Variants in EXO5 observed in about 807,000 individuals in gnomAD.
The protein encoded by EXO5 is exonuclease V.
Under a neutral mutation model 17.8 loss-of-function variants are expected in EXO5, and 11 were observed. That is an observed-to-expected ratio of 0.62 (90% CI 0.39 to 1.02). The LOEUF (loss-of-function observed/expected upper bound fraction) is 1.02. Ranked by LOEUF, EXO5 falls within the 50% of genes least tolerant of loss-of-function variation. The pLI, the probability that EXO5 is intolerant of heterozygous loss-of-function variation, is 0.00. For missense variants in EXO5, 364 were observed against 434.8 expected, an observed-to-expected ratio of 0.84 and a Z score of 1.45; for synonymous variants, 147 against 166.5, an observed-to-expected ratio of 0.88 and a Z score of 0.90.
intron 3 of EXO5, among the ~76,000 whole-genome samples, chr1:40,511,947 C>G (rs892103044): frequency 3.3e-5 from 5 of 151,500 alleles, no homozygotes; most frequent in African/African-American, 1.2e-4. Flanking sequence ...GGTGGGATCT[C>G]AGCTCACTGC....
intron 3 of EXO5, among the ~76,000 whole-genome samples, chr1:40,513,643 G>T (rs1557585064): frequency 6.7e-6 from 1 of 149,730 alleles, no homozygotes; most frequent in Non-Finnish European, 1.5e-5. Context: ...AGGCTGGAGT[G>T]CAGTGGTGCA....
Position 40,515,180 on chromosome 1 carries a change from GAAA to G in EXO5, c.637_639del (p.Lys213del), listed in dbSNP as rs1352889842. The G allele has an allele frequency of 1.2e-6, 2 of 1,614,112 alleles. No homozygotes were observed. Among genetic ancestry groups the G allele is most frequent in the South Asian group, 2.2e-5 (2 of 91,072 alleles). ...TGCTCCCTCTGGAAGCTCAGAAGAA[GAAA>G]GACTGTTTTCAAGTCAGCCTATACA... is the stretch of plus-strand genomic sequence containing the variant. On this transcript the variant is annotated inframe_deletion, in exon 4 of 4. Coordinates refer to ENST00000415550, the MANE Select transcript of EXO5 (RefSeq NM_001346953.2).
At chr1:40,513,052 A>C (rs1279625354) in intron 3 of EXO5, among the ~76,000 whole-genome samples, 1 of 152,204 alleles carries the variant, frequency 6.6e-6, no homozygotes, top group African/African-American at 2.4e-5. Context: ...CGCACAATAA[A>C]TATTCTCTAT....
rs138740528 is a variant in EXO5 at position 40,513,312 on chromosome 1, A to G, written c.-30-1203A>G. Among the ~76,000 whole-genome samples the G allele has an allele frequency of 1.4e-3, 214 of 152,292 alleles. 1 individual carries two copies. The highest frequency in any genetic ancestry group is 4.8e-3 in the African/African-American group (198 of 41,558). On this transcript the variant is annotated intron_variant, in intron 3 of 3. Coordinates refer to ENST00000415550, the MANE Select transcript of EXO5 (RefSeq NM_001346953.2). ...AGACTATATTTATTTGTATCTATAT[A>G]TAGTTGATCTTTGAATTTTGCCATA...
At chr1:40,514,209 G>T (rs1198593660) in intron 3 of EXO5, among the ~76,000 whole-genome samples, 1 of 151,802 alleles carries the variant, frequency 6.6e-6, no homozygotes, top group Non-Finnish European at 1.5e-5. Flanking sequence ...GAACCCGGGA[G>T]GCAGAGCTTG....
At position 40,511,407 on chromosome 1, in the gene EXO5, A is replaced by G. The variant is rs577366262; in HGVS notation, c.-31+1617A>G. ...ACTTGTGTAAATGCACAGCTTCTGT[A>G]TTTTGTTACTATTGAAATATCCTGT... On this transcript the variant is annotated intron_variant, in intron 3 of 3. Transcript: ENST00000415550. 1.8e-3 allele frequency among the ~76,000 whole-genome samples: 281 copies of G among 152,312 alleles called. 1 individual carries two copies. The highest frequency in any genetic ancestry group is 2.8e-3 in the Admixed American group (43 of 15,294).
chr1:40,515,138 G>C lies in EXO5; in HGVS notation c.594G>C (p.Lys198Asn). 6.2e-7 allele frequency: 1 copy of C among 1,614,176 alleles called. No homozygotes were observed. Among genetic ancestry groups the C allele is most frequent in the Non-Finnish European group, 8.5e-7 (1 of 1,180,042 alleles). Residue 198 changes from lysine to asparagine, a missense_variant, in exon 4 of 4, where the codon AAG becomes AAC. By Grantham distance (94) the Lys-to-Asn change is moderately conservative. Transcript: ENST00000415550. The stretch of plus-strand genomic sequence containing the variant: ...GGGAACTGGAGCTGGCGGAACTCAA[G>C]ACACGCAGGCGCCCTATGCTCCCTC... ...AKGELELAELKTRRRPMLPLE... is the reference protein window; with the variant it reads ...AKGELELAELNTRRRPMLPLE...
intron 3 of EXO5, among the ~76,000 whole-genome samples, chr1:40,511,287 T>C (rs1645773250): frequency 6.6e-6 from 1 of 152,104 alleles, no homozygotes; most frequent in Non-Finnish European, 1.5e-5. Context: ...CTTTAGTTTC[T>C]TGGTGAAGGG....
chr1:40,511,926 T>A (rs1361672188), intron 3 of EXO5, among the ~76,000 whole-genome samples: 2 of 151,960 alleles, frequency 1.3e-5, no homozygotes, highest in Non-Finnish European at 2.9e-5. Context: ...TTGCCCAGGC[T>A]GGAGCACAGT....
intron 3 of EXO5, among the ~76,000 whole-genome samples, chr1:40,512,124 G>A (rs938997541): frequency 1.3e-5 from 2 of 152,118 alleles, no homozygotes; most frequent in East Asian, 1.9e-4. Context: ...TGATCCGCCC[G>A]CCTTGGCCTC....
rs1645715754 is a variant in EXO5 at position 40,508,929 on chromosome 1, T to C, written c.-264+21T>C. Reference sequence around the variant, plus strand: ...CAGAGGTTAGGGGAAGGCCGGAGAATGGGCTGGGAGGCTGCGTTTCGGAGC... The same window carrying C: ...CAGAGGTTAGGGGAAGGCCGGAGAACGGGCTGGGAGGCTGCGTTTCGGAGC... On this transcript the variant is annotated intron_variant, in intron 1 of 3. Transcript: ENST00000415550. This position sits in a 1 kb window ranked among gnomAD's most constrained non-coding sequence, Gnocchi z 4.2. The C allele has an allele frequency of 6.6e-6, 1 of 152,218 alleles. No individual in the cohort carries two copies. Among genetic ancestry groups the C allele is most frequent in the East Asian group, 1.9e-4 (1 of 5,184 alleles). The allele number at this position is 152,218 out of a possible 1,614,324, so 9.4% of individuals were successfully genotyped here.
At position 40,514,673 on chromosome 1, in the gene EXO5, G is replaced by A; in HGVS notation, c.129G>A (p.Met43Ile). ...AAGAGTCAAAGGCTTTAGTTAACAT[G>A]CCTGGCCCATCTTCTGAATCCCTTG... is the stretch of plus-strand genomic sequence containing the variant. ...DAQESKALVNMPGPSSESLGK... is the reference protein window; with the variant it reads ...DAQESKALVNIPGPSSESLGK... Residue 43 changes from methionine (M) to isoleucine (I), a missense_variant, in exon 4 of 4, where the codon ATG becomes ATA. Coordinates refer to ENST00000415550, the MANE Select transcript of EXO5 (RefSeq NM_001346953.2). 1 of 1,614,164 alleles carries A rather than the reference G, an allele frequency of 6.2e-7. No individual in the cohort carries two copies. Among genetic ancestry groups the A allele is most frequent in the Non-Finnish European group, 8.5e-7 (1 of 1,180,022 alleles).
rs757564216 is a variant in EXO5, at chr1:40,514,612, C to T, written c.68C>T (p.Ser23Leu). 3 of 1,614,144 alleles carry T rather than the reference C, an allele frequency of 1.9e-6. No homozygotes were observed. The South Asian group carries it at 3.3e-5, about 18-fold the overall frequency. ...EASGFSDLSDSEFLEFLDLED... is the reference protein window; with the variant it reads ...EASGFSDLSDLEFLEFLDLED... ...TCAGGGTTCTCAGACTTGAGTGACT[C>T]AGAGTTCCTGGAGTTTCTGGACCTA... Residue 23 changes from serine to leucine, a missense_variant, in exon 4 of 4, where the codon TCA becomes TTA. By Grantham distance (145) the Ser-to-Leu change is moderately radical. Coordinates refer to ENST00000415550, the MANE Select transcript of EXO5 (RefSeq NM_001346953.2).
chr1:40,512,297 TTATA>T (rs1645794056), intron 3 of EXO5, among the ~76,000 whole-genome samples: 1 of 152,190 alleles, frequency 6.6e-6, no homozygotes, highest in Non-Finnish European at 1.5e-5. Context: ...TTGGGGAAAT[TTATA>T]TATGAACTGG....
At position 40,515,777 on chromosome 1, in the gene EXO5, C is replaced by CT. The variant is rs1436157403; in HGVS notation, c.*119dup. 66 of 1,235,086 alleles carry CT rather than the reference C, an allele frequency of 5.3e-5. No homozygotes were observed. The highest frequency in any genetic ancestry group is 5.4e-5 in the Admixed American group (2 of 37,348). 76.5% of individuals were successfully genotyped at this position (1,235,086 alleles called of 1,614,324 possible). On this transcript the variant is annotated 3_prime_UTR_variant, in exon 4 of 4. Transcript: ENST00000415550. ...TATGGAGAGTGTTCTTATTTTGGTT[C>CT]TTTTTTTTATTTCCACAACCTCTAA...
In EXO5 at chr1:40,514,544, C is replaced by T. The variant is rs1442229368; in HGVS notation, c.-1C>T. On this transcript the variant is annotated 5_prime_UTR_variant, in exon 4 of 4. Transcript: ENST00000415550. ...CTTCTAGCCCAATCCAGAGCTGTAC[C>T]ATGGCAGAGACAAGAGAAGAGGAGA... 4.3e-6 allele frequency: 7 copies of T among 1,611,482 alleles called. No individual in the cohort carries two copies. In the African/African-American group the frequency reaches 5.4e-5, roughly 12 times the overall value.
At position 40,509,472 on chromosome 1, in the gene EXO5, C is replaced by A. The variant is rs1365504238; in HGVS notation, c.-242C>A. The A allele has an allele frequency of 6.6e-6, 1 of 152,202 alleles. No individual in the cohort carries two copies. The highest frequency in any genetic ancestry group is 1.5e-5 in the Non-Finnish European group (1 of 68,086). 9.4% of individuals were successfully genotyped at this position (152,202 alleles called of 1,614,324 possible). On this transcript the variant is annotated 5_prime_UTR_variant, in exon 2 of 4. Coordinates refer to ENST00000415550, the MANE Select transcript of EXO5 (RefSeq NM_001346953.2). ...TCAGGGAGCAGGGATTGGATCAAGT[C>A]ATTGCATCTAGAGTACGGGGGAACG...
In EXO5 at chr1:40,514,947, C is replaced by T. The variant is rs377709317; in HGVS notation, c.403C>T (p.Pro135Ser). Residue 135 changes from proline (P) to serine (S), a missense_variant, in exon 4 of 4, where the codon CCA (proline) becomes TCA (serine). Transcript: ENST00000415550. ...AGAACTTCATGATCTTGTGACTGTCCCAGTCACCACTAAAGAAGATGCTTG... is the reference window on the plus strand; with the variant it reads ...AGAACTTCATGATCTTGTGACTGTCTCAGTCACCACTAAAGAAGATGCTTG... ...ELELHDLVTVPVTTKEDAWAI... is the reference protein window; with the variant it reads ...ELELHDLVTVSVTTKEDAWAI... The T allele has an allele frequency of 1.9e-5, 30 of 1,613,794 alleles. No homozygotes were observed. In the African/African-American group the frequency reaches 2.7e-4, roughly 14 times the overall value.
chr1:40,511,788 C>A (rs1645781925), intron 3 of EXO5, among the ~76,000 whole-genome samples: 1 of 152,164 alleles, frequency 6.6e-6, no homozygotes, highest in African/African-American at 2.4e-5. Flanking sequence ...TCTTGTTTTG[C>A]TTACTCTCTA....
Sources: gnomAD v4.1 joint callset for allele counts (sites outside exome capture counted in the v4.1 genomes callset) on GRCh38, gnomAD v4.1.1 for gene constraint, Gnocchi (gnomAD v3.1) non-coding constraint, MANE v1.5 for transcripts, NCBI Gene and HGNC (gene_info 2026-07-23, HGNC 2026-07-21) for gene names.